Variants in ARHGAP44 observed in about 807,000 individuals in gnomAD.
The protein encoded by ARHGAP44 is Rho GTPase activating protein 44, also known as rho GTPase-activating protein 44.
Under a neutral mutation model 106.8 loss-of-function variants are expected in ARHGAP44, and 43 were observed. That is an observed-to-expected ratio of 0.40 (90% CI 0.32 to 0.52). The LOEUF is 0.52. Among genes scored for constraint, ARHGAP44 ranks in the 20% least tolerant of loss-of-function variants. The pLI, the probability that ARHGAP44 is intolerant of heterozygous loss-of-function variation, is 0.48. For synonymous variants in ARHGAP44, 439 were observed against 410.3 expected (o/e 1.07, Z -0.85); for missense variants, 866 against 1,050.5 (o/e 0.82, Z 2.43).
chr17:12,842,538 G>A (rs1056219607), intron 1 of ARHGAP44, among the ~76,000 whole-genome samples: 1 of 152,054 alleles, frequency 6.6e-6, no homozygotes, highest in Non-Finnish European at 1.5e-5. Context: ...ACTTTCATTT[G>A]CATCAGAACC....
At chr17:12,898,920 GC>G (rs1295682594) in intron 3 of ARHGAP44, among the ~76,000 whole-genome samples, 2 of 151,974 alleles carry the variant, frequency 1.3e-5, no homozygotes, top group African/African-American at 4.8e-5. Flanking sequence ...GGAAGTAGGT[GC>G]CCAAGCATGT....
rs556321200 is a variant in ARHGAP44, at chr17:12,949,915, T to C, written c.1055+185T>C. Among the ~76,000 whole-genome samples, 38 of 152,288 alleles carry C rather than the reference T, an allele frequency of 2.5e-4. No individual in the cohort carries two copies. The South Asian group carries it at 7.9e-3, about 32-fold the overall frequency. On this transcript the variant is annotated intron_variant, in intron 12 of 20. Coordinates refer to ENST00000379672, the MANE Select transcript of ARHGAP44 (RefSeq NM_014859.6). This position sits in a 1 kb window ranked among gnomAD's most constrained non-coding sequence, Gnocchi z 4.1. ...ATATTGATGGTAGCATTATCTGAGA[T>C]AGCAGAAGCCTAGAAGTCACTAAAG...
chr17:12,828,320 T>G (rs559336618), intron 1 of ARHGAP44, among the ~76,000 whole-genome samples: 1 of 152,216 alleles, frequency 6.6e-6, no homozygotes, highest in South Asian at 2.1e-4. Flanking sequence ...CCACATTTCT[T>G]CTAGGTTTTG....
At chr17:12,846,035 G>T (rs879463849) in intron 1 of ARHGAP44, among the ~76,000 whole-genome samples, 1 of 134,104 alleles carries the variant, frequency 7.5e-6, no homozygotes, top group Non-Finnish European at 1.5e-5. Flanking sequence ...CTTTGACCTT[G>T]TTTTTAAACT....
At chr17:12,892,010 G>A (rs893619938) in intron 1 of ARHGAP44, among the ~76,000 whole-genome samples, 4 of 151,932 alleles carry the variant, frequency 2.6e-5, no homozygotes, top group Non-Finnish European at 4.4e-5. Flanking sequence ...GGCTGGTCTC[G>A]AACTTCTGAC....
intron 1 of ARHGAP44, among the ~76,000 whole-genome samples, chr17:12,842,883 C>G (rs1219523044): frequency 6.6e-6 from 1 of 152,140 alleles, no homozygotes; most frequent in Non-Finnish European, 1.5e-5. Context: ...CTCTGGGTAA[C>G]ACACATCATC....
At chr17:12,838,626 T>A (rs1055238552) in intron 1 of ARHGAP44, among the ~76,000 whole-genome samples, 1 of 152,106 alleles carries the variant, frequency 6.6e-6, no homozygotes, top group African/African-American at 2.4e-5. Context: ...GTAGTTTGAG[T>A]GCAGGAAGAT....
At chr17:12,848,414 G>T (rs1339708842) in intron 1 of ARHGAP44, among the ~76,000 whole-genome samples, 2 of 152,076 alleles carry the variant, frequency 1.3e-5, no homozygotes, top group African/African-American at 4.8e-5. Flanking sequence ...GCCACCTCAA[G>T]CCACATTGTC....
chr17:12,825,555 T>A (rs931209491), intron 1 of ARHGAP44, among the ~76,000 whole-genome samples: 4 of 152,094 alleles, frequency 2.6e-5, no homozygotes, highest in African/African-American at 9.7e-5. Context: ...AAGGGAGAGT[T>A]GACGTTGCTG....
chr17:12,974,135 T>G lies in ARHGAP44; in HGVS notation c.1588T>G (p.Ser530Ala), dbSNP rs933470583. The G allele has an allele frequency of 8.3e-6, 13 of 1,567,474 alleles. No homozygotes were observed. The highest frequency in any genetic ancestry group is 1.1e-5 in the Non-Finnish European group (13 of 1,156,524). Residue 530 changes from serine (S) to alanine (A), a missense_variant, in exon 18 of 21, where the codon TCC becomes GCC. Around this residue, in one of 2 missense-constraint regions of ARHGAP44, gnomAD observed 418 missense variants for 403.6 expected, o/e 1.04. Coordinates refer to ENST00000379672, the MANE Select transcript of ARHGAP44 (RefSeq NM_014859.6). ...CACAAACTGGGTGGCTCGAAGAGGC[T>G]CCTCGGCCGGTCGGAAAGTGTCCTG... ...MDTNWVARRGSSAGRKVSCAP... is the reference protein window; with the variant it reads ...MDTNWVARRGASAGRKVSCAP...
intron 16 of ARHGAP44, among the ~76,000 whole-genome samples, chr17:12,968,462 C>A (rs565870891): frequency 1.3e-5 from 2 of 152,302 alleles, no homozygotes; most frequent in South Asian, 4.1e-4. Flanking sequence ...AAGAACCTTT[C>A]AGACAAGATG....
chr17:12,908,703 G>A (rs886202735), intron 3 of ARHGAP44, among the ~76,000 whole-genome samples, 194 bp from the exon 4 acceptor site: 4 of 151,990 alleles, frequency 2.6e-5, no homozygotes, highest in Non-Finnish European at 4.4e-5. Flanking sequence ...TTCAGTTCTC[G>A]TTTTCTGAAT....
chr17:12,813,253 A>T (rs2034491536), intron 1 of ARHGAP44, among the ~76,000 whole-genome samples: 1 of 152,066 alleles, frequency 6.6e-6, no homozygotes, highest in African/African-American at 2.4e-5. Flanking sequence ...GTCAACCACG[A>T]TTCAAGAATA....
chr17:12,848,296 T>C (rs564320714), intron 1 of ARHGAP44, among the ~76,000 whole-genome samples: 4 of 152,286 alleles, frequency 2.6e-5, no homozygotes, highest in African/African-American at 7.2e-5. Flanking sequence ...CCATTTTTTT[T>C]CCCGAAAAAA....
chr17:12,867,789 T>C (rs1438412979), intron 1 of ARHGAP44, among the ~76,000 whole-genome samples: 2 of 152,200 alleles, frequency 1.3e-5, no homozygotes, highest in Non-Finnish European at 2.9e-5. Context: ...TCTTATAGAT[T>C]AGATGCTATT....
chr17:12,820,136 G>A (rs979908199), intron 1 of ARHGAP44, among the ~76,000 whole-genome samples: 17 of 152,042 alleles, frequency 1.1e-4, no homozygotes, highest in Admixed American at 6.6e-4. Flanking sequence ...TTATCCAGCA[G>A]CATTTATTCC....
intron 3 of ARHGAP44, among the ~76,000 whole-genome samples, chr17:12,903,140 A>AGAGT (rs1403029479): frequency 1.4e-3 from 78 of 57,590 alleles, no homozygotes; most frequent in Admixed American, 5.6e-3. Flanking sequence ...AGAGAGAGAG[A>AGAGT]GTGTGTGTGT....
chr17:12,793,977 A>G (rs992036286), intron 1 of ARHGAP44, among the ~76,000 whole-genome samples: 4 of 152,086 alleles, frequency 2.6e-5, no homozygotes, highest in African/African-American at 4.8e-5. Flanking sequence ...TCCTGATACC[A>G]TGTTTCTTTA....
intron 7 of ARHGAP44, among the ~76,000 whole-genome samples, chr17:12,931,688 A>G (rs2038405097): frequency 6.6e-6 from 1 of 151,722 alleles, no homozygotes; most frequent in African/African-American, 2.4e-5. Context: ...TTTAGTAGAG[A>G]CGGGGTTTCA....
Sources: allele counts gnomAD v4.1 joint callset (sites outside exome capture counted in the v4.1 genomes callset), GRCh38; gene constraint gnomAD v4.1.1; regional missense constraint gnomAD v4.1.1; non-coding constraint Gnocchi (gnomAD v3.1); transcripts MANE v1.5; gene names NCBI Gene and HGNC (gene_info 2026-07-23, HGNC 2026-07-21).